THSD7B: variants seen among roughly 807,000 people sequenced by gnomAD.
THSD7B encodes thrombospondin type 1 domain containing 7B, also known as thrombospondin type-1 domain-containing protein 7B.
A neutral mutation model predicts 213.6 loss-of-function variants in THSD7B; 138 were observed. The ratio of observed to expected loss-of-function variants is 0.65; its 90% CI spans 0.56 to 0.74. The LOEUF (loss-of-function observed/expected upper bound fraction) is 0.74. THSD7B is among the 30% of genes least tolerant of loss of function. The pLI, the probability that THSD7B is intolerant of heterozygous loss-of-function variation, is 0.00. For synonymous variants in THSD7B, 742 were observed against 687.0 expected (o/e 1.08, Z -1.25); for missense variants, 1,931 against 1,991.5 (o/e 0.97, Z 0.58).
At chr2:137,590,065 G>A (rs1681831266) in intron 17 of THSD7B, among the ~76,000 whole-genome samples, 1 of 150,252 alleles carries the variant, frequency 6.7e-6, no homozygotes, top group Non-Finnish European at 1.5e-5. Context: ...TTTCTCTTTT[G>A]CTATCAGTAC....
chr2:137,637,565 T>G (rs1289669873), intron 20 of THSD7B, among the ~76,000 whole-genome samples: 1 of 152,236 alleles, frequency 6.6e-6, no homozygotes, highest in Non-Finnish European at 1.5e-5. Context: ...TTGGAAATCT[T>G]CTCTTTGTGT....
intron 14 of THSD7B, among the ~76,000 whole-genome samples, chr2:137,443,990 A>G (rs1265263194): frequency 1.3e-5 from 2 of 152,062 alleles, no homozygotes; most frequent in African/African-American, 4.8e-5. Flanking sequence ...CATCATTTAT[A>G]ATATTTAACA....
intron 5 of THSD7B, among the ~76,000 whole-genome samples, chr2:137,156,777 G>C (rs1234378406): frequency 6.6e-6 from 1 of 152,140 alleles, no homozygotes; most frequent in Non-Finnish European, 1.5e-5. Context: ...GGGAGCTTCA[G>C]ATACACTGTA....
intron 21 of THSD7B, among the ~76,000 whole-genome samples, chr2:137,651,547 G>A (rs1460187709): frequency 6.6e-6 from 1 of 151,678 alleles, no homozygotes; most frequent in Non-Finnish European, 1.5e-5. Flanking sequence ...TGTATGGTGA[G>A]ACCACTTTGA....
At chr2:136,882,458 C>T (rs888874582) in intron 2 of THSD7B, 141 bp downstream of exon 2, 1 of 994,582 alleles carries the variant, frequency 1.0e-6, no homozygotes, top group South Asian at 3.3e-5. Flanking sequence ...TTCTGCAGCT[C>T]ATATTTGATT....
At chr2:137,121,252 A>G (rs907675088) in intron 5 of THSD7B, among the ~76,000 whole-genome samples, 2 of 152,176 alleles carry the variant, frequency 1.3e-5, no homozygotes, top group South Asian at 2.1e-4. Context: ...ATTAAACAAG[A>G]GCAGGAGAGA....
intron 17 of THSD7B, among the ~76,000 whole-genome samples, chr2:137,585,198 T>G (rs948859191): frequency 2.6e-5 from 4 of 152,074 alleles, no homozygotes; most frequent in African/African-American, 9.7e-5. Flanking sequence ...TTTTTATCAT[T>G]CTTTTATTGC....
At chr2:137,183,829 G>A (rs1680501647) in intron 7 of THSD7B, among the ~76,000 whole-genome samples, 1 of 152,004 alleles carries the variant, frequency 6.6e-6, no homozygotes, top group African/African-American at 2.4e-5. Context: ...TGTGAAAAAT[G>A]GCTCATTGTC....
intron 7 of THSD7B, among the ~76,000 whole-genome samples, chr2:137,218,346 G>C (rs1173882375): frequency 6.6e-6 from 1 of 152,034 alleles, no homozygotes; most frequent in Non-Finnish European, 1.5e-5. Context: ...TTGGATTTTT[G>C]AAACATTTGC....
intron 1 of THSD7B, among the ~76,000 whole-genome samples, chr2:136,857,723 A>G (rs184663092): frequency 1.1e-4 from 16 of 152,348 alleles, no homozygotes; most frequent in African/African-American, 3.8e-4. Flanking sequence ...GAAGGTTCAG[A>G]TCTGGGTTGC....
intron 3 of THSD7B, among the ~76,000 whole-genome samples, chr2:137,064,090 G>C (rs1687331271): frequency 1.3e-5 from 2 of 151,974 alleles, no homozygotes; most frequent in Non-Finnish European, 2.9e-5. Flanking sequence ...CCTCTAAACT[G>C]TTCTCCATAG....
At chr2:136,981,303 T>A (rs517615) in intron 2 of THSD7B, among the ~76,000 whole-genome samples, 29 of 152,222 alleles carry the variant, frequency 1.9e-4, no homozygotes, top group African/African-American at 6.7e-4. Context: ...CCCAGTACAG[T>A]GTGCTGAGAT....
intron 27 of THSD7B, among the ~76,000 whole-genome samples, chr2:137,668,820 A>G (rs1027470737): frequency 6.6e-6 from 1 of 152,206 alleles, no homozygotes; most frequent in African/African-American, 2.4e-5. Context: ...AATACAAAAT[A>G]TATTTACTAT....
At chr2:137,123,275 G>T (rs1352136553) in intron 5 of THSD7B, among the ~76,000 whole-genome samples, 2 of 152,176 alleles carry the variant, frequency 1.3e-5, no homozygotes, top group Non-Finnish European at 2.9e-5. Flanking sequence ...GATACAGCCT[G>T]GAAGTGTAGG....
At chr2:136,878,277 A>C (rs1031747173) in intron 1 of THSD7B, among the ~76,000 whole-genome samples, 1 of 152,358 alleles carries the variant, frequency 6.6e-6, no homozygotes, top group East Asian at 1.9e-4. Flanking sequence ...ATAGTATTCC[A>C]TGGTGTATAT....
intron 1 of THSD7B, among the ~76,000 whole-genome samples, chr2:136,790,371 ATAT>A (rs1228354969): frequency 6.6e-6 from 1 of 152,052 alleles, no homozygotes; most frequent in Non-Finnish European, 1.5e-5. Context: ...ACTGAACTAG[ATAT>A]TATTAAAAAC....
chr2:137,498,068 C>T (rs1246073599), intron 15 of THSD7B, among the ~76,000 whole-genome samples: 1 of 152,126 alleles, frequency 6.6e-6, no homozygotes, highest in Non-Finnish European at 1.5e-5. Context: ...TTAAATAATC[C>T]AAGGCATATG....
chr2:137,554,871 G>C (rs1573704487), intron 15 of THSD7B, among the ~76,000 whole-genome samples: 1 of 152,198 alleles, frequency 6.6e-6, no homozygotes, highest in East Asian at 1.9e-4. Flanking sequence ...TTTTCCAATG[G>C]TCTTAGTAAA....
At chr2:137,231,372 C>A in intron 8 of THSD7B, 137 bp downstream of exon 8, 1 of 929,470 alleles carries the variant, frequency 1.1e-6, no homozygotes, top group Non-Finnish European at 1.6e-6. Flanking sequence ...TCCAGATTAA[C>A]AGTTTCATTT....
Sources: gnomAD v4.1 joint callset for allele counts (sites outside exome capture counted in the v4.1 genomes callset) on GRCh38, gnomAD v4.1.1 for gene constraint, MANE v1.5 for transcripts, NCBI Gene and HGNC (gene_info 2026-07-23, HGNC 2026-07-21) for gene names.